TTC6: variants seen among roughly 807,000 people sequenced by gnomAD.
TTC6 encodes the protein tetratricopeptide repeat domain 6.
A neutral mutation model predicts 210.4 loss-of-function variants in TTC6; 172 were observed. That is an observed-to-expected ratio of 0.82 (90% CI 0.72 to 0.93). The LOEUF (loss-of-function observed/expected upper bound fraction) is 0.93. Ranked by LOEUF, TTC6 falls within the 40% of genes least tolerant of loss-of-function variation. The pLI is 0.00. For synonymous variants in TTC6, 804 were observed against 819.6 expected (o/e 0.98, Z 0.32); for missense variants, 2,414 against 2,318.1 (o/e 1.04, Z -0.85).
intron 2 of TTC6, among the ~76,000 whole-genome samples, chr14:37,609,634 T>G (rs2095630990): frequency 6.6e-6 from 1 of 152,210 alleles, no homozygotes. Context: ...AAAGTATTAA[T>G]GAACACTATT....
At chr14:37,625,233 T>C (rs61987980) in intron 1 of TTC6, among the ~76,000 whole-genome samples, 29,723 of 151,934 alleles carry the variant, frequency 0.2, 3,310 homozygotes, top group South Asian at 0.26. Flanking sequence ...CACTGGGTGG[T>C]AGGTGAGAGA....
chr14:37,687,697 A>T (rs1403358857), intron 3 of TTC6, among the ~76,000 whole-genome samples: 2 of 152,108 alleles, frequency 1.3e-5, no homozygotes, highest in African/African-American at 4.8e-5. Flanking sequence ...GCTCCCAGAC[A>T]TTTCTAGACA....
chr14:37,625,543 C>A (rs1310690473), intron 1 of TTC6, among the ~76,000 whole-genome samples: 1 of 125,724 alleles, frequency 8.0e-6, no homozygotes, highest in Non-Finnish European at 1.7e-5. Context: ...AGCGAGACTT[C>A]GTCTAAAAAA....
At position 37,664,028 on chromosome 14, in the gene TTC6, T is replaced by C. The variant is rs112000793; in HGVS notation, c.940-16123T>C. 1.7e-3 allele frequency among the ~76,000 whole-genome samples: 239 copies of C among 142,160 alleles called. 9 individuals are homozygous for C. Among genetic ancestry groups the C allele is most frequent in the Non-Finnish European group, 2.9e-3 (178 of 61,140 alleles). The allele number at this position is 142,160 out of a possible 152,430, so 93.3% of individuals were successfully genotyped here. ...TGACCCAAACAAATGGAGAAACATT[T>C]CTTGCTCATGGATAGGAAGAATCAA... On this transcript the variant is annotated intron_variant, in intron 1 of 30. Coordinates refer to ENST00000553443, the Ensembl canonical transcript of TTC6.
At chr14:37,751,166 A>G (rs1669726847) in exon 13 of TTC6, 2 of 1,532,010 alleles carry the variant, frequency 1.3e-6, no homozygotes, top group Admixed American at 2.0e-5. Flanking sequence ...TATCTATTTC[A>G]GGAGGGGTGA....
chr14:37,800,620 A>C (rs1473601596), intron 20 of TTC6, among the ~76,000 whole-genome samples: 2 of 152,156 alleles, frequency 1.3e-5, no homozygotes, highest in African/African-American at 4.8e-5. Flanking sequence ...CAAAACTTAC[A>C]AATCTTCTTA....
intron 14 of TTC6, among the ~76,000 whole-genome samples, chr14:37,786,567 C>T (rs1191615965): frequency 6.6e-6 from 1 of 152,216 alleles, no homozygotes; most frequent in Non-Finnish European, 1.5e-5. Context: ...GGACCCCTTG[C>T]ACTTCCCGGG....
chr14:37,764,695 T>C (rs1469767113), intron 14 of TTC6, among the ~76,000 whole-genome samples: 2 of 152,160 alleles, frequency 1.3e-5, no homozygotes. Context: ...AGATATCATG[T>C]AGCTATATTA....
chr14:37,820,053 G>A (rs906891786), intron 26 of TTC6, among the ~76,000 whole-genome samples: 4 of 152,322 alleles, frequency 2.6e-5, no homozygotes, highest in Admixed American at 6.5e-5. Flanking sequence ...TGACAAGAAC[G>A]TAGATATTCT....
At chr14:37,795,380 T>C in intron 18 of TTC6, 28 bp downstream of exon 20, 1 of 1,429,944 alleles carries the variant, frequency 7.0e-7, no homozygotes, top group Non-Finnish European at 9.4e-7. Context: ...GAATTCTTCT[T>C]GGGATAACTT....
intron 1 of TTC6, among the ~76,000 whole-genome samples, chr14:37,647,788 C>G (rs2095704283): frequency 6.6e-6 from 1 of 151,918 alleles, no homozygotes; most frequent in African/African-American, 2.4e-5. Flanking sequence ...CAAAAGAGAC[C>G]TAAGGGCTCA....
intron 5 of TTC6, among the ~76,000 whole-genome samples, chr14:37,712,149 G>T (rs1271979828): frequency 1.3e-5 from 2 of 152,078 alleles, no homozygotes; most frequent in Non-Finnish European, 2.9e-5. Flanking sequence ...TAGAATGTCC[G>T]ATGACCTTCA....
At chr14:37,814,044 G>A (rs2096135838) in intron 25 of TTC6, among the ~76,000 whole-genome samples, 1 of 152,138 alleles carries the variant, frequency 6.6e-6, no homozygotes, top group Non-Finnish European at 1.5e-5. Context: ...ACAGATGCTA[G>A]AGAAATCTCT....
At position 37,824,507 on chromosome 14, in the gene TTC6, A is replaced by C. The variant is rs1170145646; in HGVS notation, c.4974+550A>C. The stretch of plus-strand genomic sequence containing the variant: ...TCATTCATTGCATTCAACAGACATT[A>C]ACTGAGCACTAAATGTAGAACGGAA... On this transcript the variant is annotated intron_variant, in intron 27 of 30. Coordinates refer to ENST00000553443, the Ensembl canonical transcript of TTC6. Among the ~76,000 whole-genome samples, 6 of 152,282 alleles carry C rather than the reference A, an allele frequency of 3.9e-5. No homozygotes were observed. In the East Asian group the frequency reaches 1.2e-3, roughly 29 times the overall value.
At chr14:37,616,990 C>T (rs2095643827) in intron 2 of TTC6, among the ~76,000 whole-genome samples, 1 of 152,040 alleles carries the variant, frequency 6.6e-6, no homozygotes, top group African/African-American at 2.4e-5. Flanking sequence ...AATCCTTCTA[C>T]CTCAGCCTCC....
intron 1 of TTC6, among the ~76,000 whole-genome samples, chr14:37,601,785 G>A (rs2095616064): frequency 6.6e-6 from 1 of 152,156 alleles, no homozygotes; most frequent in Non-Finnish European, 1.5e-5. Context: ...AGAATCAGCA[G>A]CTCGCTTTGC....
exon 10 of TTC6, chr14:37,739,067 A>G: frequency 6.5e-7 from 1 of 1,534,602 alleles, no homozygotes; most frequent in South Asian, 1.2e-5. Flanking sequence ...TCCCAAGAAA[A>G]AGAAGATGAG....
intron 1 of TTC6, among the ~76,000 whole-genome samples, chr14:37,601,939 A>C (rs1296525952): frequency 6.6e-6 from 1 of 152,246 alleles, no homozygotes; most frequent in Non-Finnish European, 1.5e-5. Flanking sequence ...AACACTTTTC[A>C]CTAGGAGCTG....
At chr14:37,804,688 G>A (rs372704055) in exon 21 of TTC6, 7 of 1,612,978 alleles carry the variant, frequency 4.3e-6, no homozygotes, top group Non-Finnish European at 4.2e-6. Flanking sequence ...AGGAAGCTGT[G>A]GAAGTGCTTA....
Sources: allele counts gnomAD v4.1 joint callset (sites outside exome capture counted in the v4.1 genomes callset), GRCh38; gene constraint gnomAD v4.1.1; transcripts MANE v1.5; gene names NCBI Gene and HGNC (gene_info 2026-07-23, HGNC 2026-07-21).